ADARB2: variants seen among roughly 807,000 people sequenced by gnomAD.
The protein encoded by ADARB2 is adenosine deaminase RNA specific B2 (inactive).
A neutral mutation model predicts 62.2 loss-of-function variants in ADARB2; 25 were observed. The ratio of observed to expected loss-of-function variants is 0.40; its 90% confidence interval spans 0.29 to 0.56. The LOEUF (loss-of-function observed/expected upper bound fraction) is 0.56, where lower values mean the gene tolerates loss of function less well. Ranked by LOEUF, ADARB2 falls within the 20% of genes least tolerant of loss-of-function variation. The probability of loss-of-function intolerance (pLI) is 0.43; values close to 1 mark genes in which losing one functional copy is unlikely to be tolerated. For missense variants in ADARB2, 1,071 were observed against 1,077.4 expected (o/e 0.99, Z 0.08); for synonymous variants, 572 against 500.8 (o/e 1.14, Z -1.90).
intron 1 of ADARB2, among the ~76,000 whole-genome samples, chr10:1,662,613 C>T (rs1834264701): frequency 6.6e-6 from 1 of 152,178 alleles, no homozygotes; most frequent in Non-Finnish European, 1.5e-5. Flanking sequence ...GAGTTTATTT[C>T]CTGTTCCAGA....
rs116162015 is a variant in ADARB2 at position 1,608,888 on chromosome 10, C to T, written c.100+128163G>A. Among the ~76,000 whole-genome samples the T allele has an allele frequency of 3.8e-3, 577 of 152,182 alleles. 6 individuals carry two copies. The highest frequency in any genetic ancestry group is 0.013 in the African/African-American group (544 of 41,542). ...GGGACAGCATTTCCCTCCGCATTGCCGGCCCTCTGTCTTGAGCCCCTGCAG... is the reference window on the plus strand; with the variant it reads ...GGGACAGCATTTCCCTCCGCATTGCTGGCCCTCTGTCTTGAGCCCCTGCAG... On this transcript the variant is annotated intron_variant, in intron 1 of 9. Transcript: ENST00000381312.
At chr10:1,399,643 T>C (rs1832645703) in intron 1 of ADARB2, among the ~76,000 whole-genome samples, 1 of 152,200 alleles carries the variant, frequency 6.6e-6, no homozygotes, top group Non-Finnish European at 1.5e-5. Flanking sequence ...TGCTGTGTGA[T>C]GATCACGCCC....
At chr10:1,562,521 T>C (rs1832797637) in intron 1 of ADARB2, among the ~76,000 whole-genome samples, 1 of 152,236 alleles carries the variant, frequency 6.6e-6, no homozygotes, top group Admixed American at 6.5e-5. Context: ...GCTGTCTCCC[T>C]GGAACTGGCT....
At chr10:1,469,017 C>A (rs964603112) in intron 1 of ADARB2, among the ~76,000 whole-genome samples, 3 of 152,218 alleles carry the variant, frequency 2.0e-5, no homozygotes, top group African/African-American at 7.2e-5. Flanking sequence ...ACCACGTGTT[C>A]TTTCCAACAC....
Position 1,221,889 on chromosome 10 carries a change from G to A in ADARB2, c.1514-4770C>T, listed in dbSNP as rs1279738696. 2.0e-5 allele frequency among the ~76,000 whole-genome samples: 3 copies of A among 152,280 alleles called. No homozygotes were observed. In the East Asian group the frequency reaches 5.8e-4, roughly 29 times the overall value. On this transcript the variant is annotated intron_variant, in intron 6 of 9. Transcript: ENST00000381312. The stretch of plus-strand genomic sequence containing the variant: ...TGCCACAATAAACATGTGTGCATAT[G>A]TCTTTATAGCAGCATGATTTATAAT...
chr10:1,416,088 G>T (rs545241703), intron 1 of ADARB2, among the ~76,000 whole-genome samples: 4 of 152,378 alleles, frequency 2.6e-5, no homozygotes, highest in South Asian at 4.1e-4. Flanking sequence ...CATCCGTGAA[G>T]ATCTAAGTAG....
chr10:1,655,007 G>T (rs766116665), intron 1 of ADARB2, among the ~76,000 whole-genome samples: 3 of 152,244 alleles, frequency 2.0e-5, no homozygotes, highest in African/African-American at 4.8e-5. Context: ...GCAGGCGTGA[G>T]GGTGAGGACG....
At chr10:1,428,846 C>A (rs1306381242) in intron 1 of ADARB2, among the ~76,000 whole-genome samples, 1 of 151,866 alleles carries the variant, frequency 6.6e-6, no homozygotes, top group Non-Finnish European at 1.5e-5. Context: ...CGCAATCCCA[C>A]ACACACATAC....
chr10:1,576,713 T>C (rs1311343664), intron 1 of ADARB2, among the ~76,000 whole-genome samples: 1 of 152,152 alleles, frequency 6.6e-6, no homozygotes. Flanking sequence ...GGAGCAGCTG[T>C]GTTTCCTGAA....
intron 1 of ADARB2, among the ~76,000 whole-genome samples, chr10:1,637,774 T>A (rs555761878): frequency 6.6e-6 from 1 of 152,366 alleles, no homozygotes; most frequent in East Asian, 1.9e-4. Flanking sequence ...CAAGTTAATG[T>A]GTCTGCGTGG....
At chr10:1,188,155 GCT>G (rs1836788316) in intron 8 of ADARB2, 1 of 152,654 alleles carries the variant, frequency 6.6e-6, no homozygotes, top group African/African-American at 2.4e-5. Context: ...TCCACTTACC[GCT>G]CTGTGACAGG....
intron 3 of ADARB2, among the ~76,000 whole-genome samples, chr10:1,352,026 C>G (rs1285265251): frequency 2.6e-5 from 4 of 151,554 alleles, no homozygotes; most frequent in Non-Finnish European, 5.9e-5. Context: ...ATCCCAGCCT[C>G]TCTTCGCTTT....
intron 1 of ADARB2, among the ~76,000 whole-genome samples, chr10:1,625,687 C>G (rs1047450301): frequency 1.3e-5 from 2 of 152,180 alleles, no homozygotes; most frequent in African/African-American, 4.8e-5. Flanking sequence ...GACCATCAGA[C>G]AGCAGACATG....
rs765838402 is a variant in ADARB2, at chr10:1,379,039, G to C, written c.187+35C>G. On this transcript the variant is annotated intron_variant, in intron 2 of 9. Coordinates refer to ENST00000381312, the MANE Select transcript of ADARB2 (RefSeq NM_018702.4). The stretch of plus-strand genomic sequence containing the variant: ...GGACCCCTGCACAAAGGATACAGGG[G>C]CCTTTGTGTACTTCGGGGAAGGGAA... The C allele has an allele frequency of 3.8e-6, 6 of 1,558,778 alleles. No individual in the cohort carries two copies. The Middle Eastern group carries it at 6.7e-4, about 175-fold the overall frequency.
At chr10:1,714,949 C>A (rs1834998956) in intron 1 of ADARB2, among the ~76,000 whole-genome samples, 1 of 151,748 alleles carries the variant, frequency 6.6e-6, no homozygotes, top group South Asian at 2.1e-4. Flanking sequence ...TGTGCTGCAC[C>A]CATTAACTGG....
intron 1 of ADARB2, among the ~76,000 whole-genome samples, chr10:1,540,205 G>A (rs1832398122): frequency 6.6e-6 from 1 of 151,828 alleles, no homozygotes; most frequent in South Asian, 2.1e-4. Flanking sequence ...ATGTGTTTTG[G>A]TCCCTAAAGG....
chr10:1,584,724 G>C (rs2132003216), intron 1 of ADARB2, among the ~76,000 whole-genome samples: 1 of 152,336 alleles, frequency 6.6e-6, no homozygotes, highest in East Asian at 1.9e-4. Flanking sequence ...TACATCGTCT[G>C]TGGTTCATCC....
intron 3 of ADARB2, among the ~76,000 whole-genome samples, chr10:1,318,178 AAC>A (rs1307593569): frequency 1.3e-5 from 2 of 152,268 alleles, no homozygotes; most frequent in African/African-American, 4.8e-5. Context: ...GTTTCACAGT[AAC>A]ACAATCAATC....
chr10:1,214,380 TGGACCTG>T (rs1355310883), intron 7 of ADARB2, among the ~76,000 whole-genome samples: 481 of 57,112 alleles, frequency 8.4e-3, no homozygotes, highest in African/African-American at 0.011. Context: ...CACCTGTGCC[TGGACCTG>T]CCAGCGTTGC....
Sources: allele counts gnomAD v4.1 joint callset (sites outside exome capture counted in the v4.1 genomes callset), GRCh38; gene constraint gnomAD v4.1.1; transcripts MANE v1.5; gene names NCBI Gene and HGNC (gene_info 2026-07-23, HGNC 2026-07-21).